IGF1: variants seen among roughly 807,000 people sequenced by gnomAD.
IGF1 encodes the protein insulin-like growth factor 1.
In IGF1, 4 loss-of-function variants were observed where a neutral mutation model predicts 13.8. That is an observed-to-expected ratio of 0.29 (90% CI 0.14 to 0.66). The LOEUF (loss-of-function observed/expected upper bound fraction) is 0.66. IGF1 is among the 30% of genes least tolerant of loss of function. The pLI, the probability that IGF1 is intolerant of heterozygous loss-of-function variation, is 0.78. For synonymous variants in IGF1, 76 were observed against 72.6 expected, an observed-to-expected ratio of 1.05 and a Z score of -0.23; for missense variants, 124 against 188.5, an observed-to-expected ratio of 0.66 and a Z score of 2.00.
chr12:102,474,787 G>A (rs2137268988), intron 2 of IGF1, among the ~76,000 whole-genome samples: 1 of 152,320 alleles, frequency 6.6e-6, no homozygotes, highest in South Asian at 2.1e-4. Flanking sequence ...TGAGATAGAT[G>A]CATGGGAGCT....
intron 2 of IGF1, among the ~76,000 whole-genome samples, chr12:102,423,448 A>C (rs1175415680): frequency 6.6e-6 from 1 of 152,074 alleles, no homozygotes; most frequent in East Asian, 1.9e-4. Flanking sequence ...TTGACATTAA[A>C]AATTTATATA....
intron 2 of IGF1, among the ~76,000 whole-genome samples, chr12:102,444,046 C>T (rs1328802591): frequency 5.3e-5 from 8 of 151,806 alleles, no homozygotes; most frequent in Non-Finnish European, 7.4e-5. Context: ...AGGCTGGTCT[C>T]GAACTCCTGA....
At chr12:102,467,477 A>G (rs1159309662) in intron 2 of IGF1, among the ~76,000 whole-genome samples, 2 of 152,226 alleles carry the variant, frequency 1.3e-5, no homozygotes, top group African/African-American at 4.8e-5. Context: ...CAAAGTTGAC[A>G]TTGGAGAGAG....
chr12:102,472,561 T>C (rs1475988166), intron 2 of IGF1, among the ~76,000 whole-genome samples: 2 of 152,190 alleles, frequency 1.3e-5, no homozygotes, highest in Non-Finnish European at 2.9e-5. Flanking sequence ...AAAATGGATT[T>C]GAAGCAGTTT....
intron 3 of IGF1, among the ~76,000 whole-genome samples, chr12:102,405,015 C>T (rs753212096): frequency 6.6e-6 from 1 of 151,860 alleles, no homozygotes; most frequent in African/African-American, 2.4e-5. Flanking sequence ...CCTTGGCCTC[C>T]CAAAGTGCTG....
At position 102,414,342 on chromosome 12, in the gene IGF1, CAAGT is replaced by C. The variant is rs17885342; in HGVS notation, c.402+5163_402+5166del. 3.1e-3 allele frequency among the ~76,000 whole-genome samples: 469 copies of C among 152,230 alleles called. 1 individual carries two copies. The highest frequency in any genetic ancestry group is 1.0e-2 in the African/African-American group (414 of 41,528). On this transcript the variant is annotated intron_variant, in intron 3 of 3. Transcript: ENST00000337514. ...ACATGATCTGCCCAAAGCCACAATG[CAAGT>C]AAGAGCCAAGATTTGAACCCAGGTA...
chr12:102,441,915 C>CTTCTT lies in IGF1; in HGVS notation c.221-22226_221-22225insAAGAA, dbSNP rs1555244052. On this transcript the variant is annotated intron_variant, in intron 2 of 3. Transcript: ENST00000337514. The stretch of plus-strand genomic sequence containing the variant: ...GTCATTCTATTACACTGCTTCTTCT[C>CTTCTT]CTTCTTCTTCTTCTTCTTCTTCTTC... Among the ~76,000 whole-genome samples the CTTCTT allele has an allele frequency of 2.0e-3, 249 of 122,158 alleles. 5 individuals carry two copies. Among genetic ancestry groups the CTTCTT allele is most frequent in the African/African-American group, 7.0e-3 (229 of 32,494 alleles). The allele number at this position is 122,158 out of a possible 152,430, so 80.1% of individuals were successfully genotyped here.
chr12:102,471,758 C>CT (rs1880701854), intron 2 of IGF1, among the ~76,000 whole-genome samples: 1 of 152,170 alleles, frequency 6.6e-6, no homozygotes, highest in Admixed American at 6.5e-5. Flanking sequence ...TTTATAGACT[C>CT]TTAAAACTTA....
At chr12:102,460,852 A>G (rs1429764197) in intron 2 of IGF1, among the ~76,000 whole-genome samples, 1 of 152,212 alleles carries the variant, frequency 6.6e-6, no homozygotes, top group Non-Finnish European at 1.5e-5. Flanking sequence ...ATCCTTGTCA[A>G]GAATATAGAC....
At chr12:102,480,025 T>C (rs1881309690) in intron 1 of IGF1, among the ~76,000 whole-genome samples, 1 of 151,890 alleles carries the variant, frequency 6.6e-6, no homozygotes, top group South Asian at 2.1e-4. Context: ...CCCTTAGCCA[T>C]AGAGAGGATT....
intron 2 of IGF1, among the ~76,000 whole-genome samples, chr12:102,441,943 C>CTTCTTCTTCTTCTTCTTCTTCTTCTTCTT (rs1565984827): frequency 7.2e-6 from 1 of 139,042 alleles, no homozygotes. Context: ...TCTTCTTCTT[C>CTTCTTCTTCTTCTTCTTCTTCTTCTTCTT]TTCTTCTTCT....
intron 3 of IGF1, among the ~76,000 whole-genome samples, chr12:102,412,327 T>C (rs1366241470): frequency 6.6e-6 from 1 of 152,134 alleles, no homozygotes; most frequent in Non-Finnish European, 1.5e-5. Flanking sequence ...TTCTCACCTA[T>C]AATTTTGGAA....
chr12:102,417,740 T>C, intron 3 of IGF1: 2 of 1,594,618 alleles, frequency 1.3e-6, no homozygotes, highest in South Asian at 1.1e-5. Flanking sequence ...TTTCCTCTAT[T>C]GTATTTTCTG....
At chr12:102,449,235 C>T (rs967533377) in intron 2 of IGF1, among the ~76,000 whole-genome samples, 34 of 152,086 alleles carry the variant, frequency 2.2e-4, no homozygotes, top group African/African-American at 7.7e-4. Flanking sequence ...GGGATGAATT[C>T]GTGTTCCTTG....
intron 1 of IGF1, chr12:102,478,424 GTC>G: frequency 8.7e-7 from 1 of 1,152,352 alleles, no homozygotes; most frequent in Non-Finnish European, 1.2e-6. Flanking sequence ...GATTCCAGAT[GTC>G]TGGGCCACAA....
chr12:102,480,542 A>G lies in IGF1; in HGVS notation c.-161T>C. 1 of 1,488,286 alleles carries G rather than the reference A, an allele frequency of 6.7e-7. No individual in the cohort carries two copies. Among genetic ancestry groups the G allele is most frequent in the Non-Finnish European group, 8.9e-7 (1 of 1,120,542 alleles). 92.2% of individuals were successfully genotyped at this position (1,488,286 alleles called of 1,614,324 possible). ...TATCTGCTCTGAATTTAGCAGTGACAGTGAGATTTAGCAAACAGAAGAGGG... is the reference window on the plus strand; with the variant it reads ...TATCTGCTCTGAATTTAGCAGTGACGGTGAGATTTAGCAAACAGAAGAGGG... On this transcript the variant is annotated 5_prime_UTR_variant, in exon 1 of 4. Transcript: ENST00000337514.
At chr12:102,411,561 C>T (rs548573362) in intron 3 of IGF1, among the ~76,000 whole-genome samples, 15 of 152,174 alleles carry the variant, frequency 9.9e-5, no homozygotes, top group Middle Eastern at 3.4e-3. Flanking sequence ...ACCATTTGGC[C>T]GGTTTGGGTT....
intron 3 of IGF1, among the ~76,000 whole-genome samples, chr12:102,404,542 G>A (rs1030834355): frequency 1.3e-5 from 2 of 152,118 alleles, no homozygotes; most frequent in African/African-American, 2.4e-5. Flanking sequence ...GCATCATTGT[G>A]TAAAAACATT....
chr12:102,421,244 C>G (rs1004259110), intron 2 of IGF1, among the ~76,000 whole-genome samples: 1 of 143,790 alleles, frequency 7.0e-6, no homozygotes, highest in Non-Finnish European at 1.6e-5. Flanking sequence ...GTCTGCTGTG[C>G]AGATCTCGAA....
Sources: allele counts gnomAD v4.1 joint callset (sites outside exome capture counted in the v4.1 genomes callset), GRCh38; gene constraint gnomAD v4.1.1; transcripts MANE v1.5; gene names NCBI Gene and HGNC (gene_info 2026-07-23, HGNC 2026-07-21).